The following DDX10 variants were observed in gnomAD, a reference collection of about 807,000 sequenced individuals.
The protein encoded by DDX10 is probable ATP-dependent RNA helicase DDX10.
A neutral mutation model predicts 104.3 loss-of-function variants in DDX10; 74 were observed. That is an observed-to-expected ratio of 0.71 (90% CI 0.59 to 0.86). The LOEUF (loss-of-function observed/expected upper bound fraction) is 0.86. Among genes scored for constraint, DDX10 ranks in the 40% least tolerant of loss-of-function variants. The pLI is 0.00. For missense variants in DDX10, 952 were observed against 1,040.0 expected (o/e 0.92, Z 1.16); for synonymous variants, 351 against 353.4 (o/e 0.99, Z 0.08).
chr11:108,803,016 T>C (rs1862044941), intron 13 of DDX10, among the ~76,000 whole-genome samples: 1 of 152,222 alleles, frequency 6.6e-6, no homozygotes, highest in Non-Finnish European at 1.5e-5. Context: ...GAGAAGGCAA[T>C]TGGAATTGAA....
chr11:108,838,844 T>C (rs1862597386), intron 14 of DDX10, among the ~76,000 whole-genome samples: 1 of 152,242 alleles, frequency 6.6e-6, no homozygotes, highest in Non-Finnish European at 1.5e-5. Flanking sequence ...CTCTTCATGG[T>C]ATTGAACATT....
intron 9 of DDX10, among the ~76,000 whole-genome samples, chr11:108,696,840 G>C (rs975948938): frequency 2.6e-5 from 4 of 152,072 alleles, no homozygotes; most frequent in African/African-American, 9.7e-5. Flanking sequence ...TTCATAAATA[G>C]AATACATTTA....
In DDX10 at chr11:108,706,787, A is replaced by T; in HGVS notation, c.1272A>T (p.Lys424Asn). 5 of 1,614,122 alleles carry T rather than the reference A, an allele frequency of 3.1e-6. No homozygotes were observed. The highest frequency in any genetic ancestry group is 4.2e-6 in the Non-Finnish European group (5 of 1,179,984). Residue 424 changes from lysine to asparagine, a missense_variant, in exon 10 of 18, where the codon AAA becomes AAT. Transcript: ENST00000322536. The stretch of plus-strand genomic sequence containing the variant: ...TGCTAATTTTGCTACCCTCAGAAAA[A>T]GCTATGGTGCAGCAGCTTCTTCAGA... Reference protein sequence around the residue: ...EALLILLPSEKAMVQQLLQKK... With the variant: ...EALLILLPSENAMVQQLLQKK...
At chr11:108,939,150 C>T (rs530004332) in intron 17 of DDX10, among the ~76,000 whole-genome samples, 120 of 152,126 alleles carry the variant, frequency 7.9e-4, no homozygotes, top group Non-Finnish European at 1.5e-3. Flanking sequence ...AATAAGACAA[C>T]TGAGGGTTAG....
intron 15 of DDX10, among the ~76,000 whole-genome samples, chr11:108,850,842 T>A (rs1862781608): frequency 6.6e-6 from 1 of 152,176 alleles, no homozygotes; most frequent in Non-Finnish European, 1.5e-5. Context: ...GTCCATCACT[T>A]ACTATGTGTG....
intron 13 of DDX10, among the ~76,000 whole-genome samples, chr11:108,747,935 A>G (rs1396678480): frequency 6.6e-6 from 1 of 152,110 alleles, no homozygotes; most frequent in Non-Finnish European, 1.5e-5. Flanking sequence ...AGACACATAC[A>G]TATACAGTAG....
chr11:108,707,582 G>A (rs561403437), intron 10 of DDX10, among the ~76,000 whole-genome samples: 43 of 152,190 alleles, frequency 2.8e-4, no homozygotes, highest in Non-Finnish European at 5.9e-4. Context: ...GTTATAAAAA[G>A]GACAGATTTG....
intron 16 of DDX10, among the ~76,000 whole-genome samples, chr11:108,894,336 A>G (rs1565311400): frequency 6.6e-6 from 1 of 152,036 alleles, no homozygotes; most frequent in Non-Finnish European, 1.5e-5. Flanking sequence ...ATTGATAGTT[A>G]CTAAAACGTT....
chr11:108,876,855 G>A (rs1591106623), intron 16 of DDX10, among the ~76,000 whole-genome samples: 1 of 152,120 alleles, frequency 6.6e-6, no homozygotes, highest in Non-Finnish European at 1.5e-5. Flanking sequence ...AAATGTGGTA[G>A]CTTTCCTTGA....
intron 13 of DDX10, among the ~76,000 whole-genome samples, chr11:108,779,432 G>T (rs2094374884): frequency 6.6e-6 from 1 of 151,916 alleles, no homozygotes; most frequent in African/African-American, 2.4e-5. Flanking sequence ...CAGATATCAC[G>T]AGGACAGAAA....
chr11:108,876,179 G>A (rs765631626), intron 16 of DDX10, among the ~76,000 whole-genome samples: 1 of 152,138 alleles, frequency 6.6e-6, no homozygotes, highest in Non-Finnish European at 1.5e-5. Flanking sequence ...AACTATTTGT[G>A]TATTTCTGAT....
chr11:108,907,829 G>A (rs150977759), intron 16 of DDX10, among the ~76,000 whole-genome samples: 15 of 152,204 alleles, frequency 9.9e-5, no homozygotes, highest in Admixed American at 3.9e-4. Context: ...CAGTATTAAC[G>A]CTATAACCCA....
chr11:108,722,212 T>A (rs909961746), intron 12 of DDX10, among the ~76,000 whole-genome samples: 25 of 152,224 alleles, frequency 1.6e-4, no homozygotes, highest in African/African-American at 5.8e-4. Context: ...TCTCAGTTTC[T>A]TTGAACCATG....
At chr11:108,781,488 G>A (rs2094378045) in intron 13 of DDX10, among the ~76,000 whole-genome samples, 1 of 152,016 alleles carries the variant, frequency 6.6e-6, no homozygotes, top group Non-Finnish European at 1.5e-5. Context: ...AATTGTTTGT[G>A]GTATATGCCA....
chr11:108,709,629 T>C (rs956810176), intron 10 of DDX10, among the ~76,000 whole-genome samples: 1 of 152,198 alleles, frequency 6.6e-6, no homozygotes, highest in African/African-American at 2.4e-5. Context: ...ATGATATTCC[T>C]TCTTTCATTT....
At position 108,909,167 on chromosome 11, in the gene DDX10, G is replaced by A. The variant is rs531588631; in HGVS notation, c.2305-8706G>A. ...AGACCAAACAGTTGATTAGAGGGTGGAGCTTTTAGCCCTATTCCCCCCACC... is the reference window on the plus strand; with the variant it reads ...AGACCAAACAGTTGATTAGAGGGTGAAGCTTTTAGCCCTATTCCCCCCACC... On this transcript the variant is annotated intron_variant, in intron 16 of 17. Coordinates refer to ENST00000322536, the MANE Select transcript of DDX10 (RefSeq NM_004398.4). Among the ~76,000 whole-genome samples, 404 of 152,326 alleles carry A rather than the reference G, an allele frequency of 2.7e-3. 3 individuals carry two copies. The highest frequency in any genetic ancestry group is 0.02 in the South Asian group (98 of 4,824).
intron 16 of DDX10, among the ~76,000 whole-genome samples, chr11:108,905,309 TTA>T (rs772150214): frequency 4.6e-5 from 1 of 21,864 alleles, no homozygotes; most frequent in African/African-American, 8.3e-5. Context: ...ATTAGATTGT[TTA>T]AGGGGGGGGG....
intron 17 of DDX10, 107 bp downstream of exon 17, chr11:108,918,125 G>C (rs749183331): frequency 8.8e-7 from 1 of 1,136,666 alleles, no homozygotes; most frequent in South Asian, 1.4e-5. Context: ...GATGTTTGTT[G>C]CTTTTTTTTG....
At chr11:108,887,812 A>T (rs1863319205) in intron 16 of DDX10, among the ~76,000 whole-genome samples, 1 of 152,146 alleles carries the variant, frequency 6.6e-6, no homozygotes, top group Non-Finnish European at 1.5e-5. Flanking sequence ...GCTAGTCCTC[A>T]GGAAGACTGA....
Sources: gnomAD v4.1 joint callset for allele counts (sites outside exome capture counted in the v4.1 genomes callset) on GRCh38, gnomAD v4.1.1 for gene constraint, MANE v1.5 for transcripts, NCBI Gene and HGNC (gene_info 2026-07-23, HGNC 2026-07-21) for gene names.